SORCS3: variants seen among roughly 807,000 people sequenced by gnomAD.
The protein encoded by SORCS3 is VPS10 domain-containing receptor SorCS3.
A neutral mutation model predicts 146.3 loss-of-function variants in SORCS3; 57 were observed. The observed-to-expected ratio is 0.39, with a 90% CI of 0.31 to 0.49. The LOEUF is 0.49. SORCS3 is among the 20% of genes least tolerant of loss of function. The probability of loss-of-function intolerance (pLI) is 0.92; values close to 1 mark genes in which losing one functional copy is unlikely to be tolerated. For synonymous variants in SORCS3, 653 were observed against 618.5 expected, an observed-to-expected ratio of 1.06 and a Z score of -0.83; for missense variants, 1,341 against 1,575.5, an observed-to-expected ratio of 0.85 and a Z score of 2.52.
chr10:105,240,564 T>C (rs1268658419), intron 20 of SORCS3, among the ~76,000 whole-genome samples: 2 of 152,234 alleles, frequency 1.3e-5, no homozygotes, highest in Non-Finnish European at 2.9e-5. Flanking sequence ...GATGCTTTAT[T>C]CATTTCAAAG....
chr10:105,129,331 C>CTCTCTCTCTCTTTT lies in SORCS3; in HGVS notation c.1213-10065_1213-10064insCTCTCTCTCTTTTT, dbSNP rs1172062304. On this transcript the variant is annotated intron_variant, in intron 7 of 26. Transcript: ENST00000369701. ...CTTTCTCTTTTCTTTCTTTCTTTCT[C>CTCTCTCTCTCTTTT]TTTTTTTTTTTTTTTTTTTTTTTTT... Among the ~76,000 whole-genome samples the CTCTCTCTCTCTTTT allele has an allele frequency of 1.3e-4, 14 of 104,616 alleles. 1 individual carries two copies. The highest frequency in any genetic ancestry group is 5.5e-4 in the African/African-American group (14 of 25,652). 68.6% of individuals were successfully genotyped at this position (104,616 alleles called of 152,430 possible).
intron 11 of SORCS3, among the ~76,000 whole-genome samples, chr10:105,159,570 A>G (rs1360594291): frequency 6.6e-6 from 1 of 152,152 alleles, no homozygotes; most frequent in African/African-American, 2.4e-5. Context: ...GATGAAAGCT[A>G]AAGTCTCCGG....
intron 2 of SORCS3, among the ~76,000 whole-genome samples, chr10:104,908,104 C>T (rs987443146): frequency 1.3e-5 from 2 of 152,222 alleles, no homozygotes; most frequent in African/African-American, 4.8e-5. Flanking sequence ...CACACCAGAG[C>T]ACCTAATAGC....
At position 104,977,497 on chromosome 10, in the gene SORCS3, A is replaced by C. The variant is rs1288964343; in HGVS notation, c.954+4A>C. ...GGCCTACAGTTTGGATCAAAAGGTGAATAAATACTATTTTCATTTACTTCT... is the reference window on the plus strand; with the variant it reads ...GGCCTACAGTTTGGATCAAAAGGTGCATAAATACTATTTTCATTTACTTCT... On this transcript the variant is annotated splice_donor_region_variant and intron_variant, in intron 4 of 26. Transcript: ENST00000369701. The C allele has an allele frequency of 6.3e-7, 1 of 1,594,896 alleles. No homozygotes were observed. The highest frequency in any genetic ancestry group is 1.3e-5 in the African/African-American group (1 of 74,208).
chr10:104,852,355 T>C (rs2018282330), intron 2 of SORCS3, among the ~76,000 whole-genome samples: 1 of 152,228 alleles, frequency 6.6e-6, no homozygotes, highest in African/African-American at 2.4e-5. Context: ...GCCTTACAGA[T>C]TTGGCAACCA....
At chr10:104,919,459 G>C (rs1564713249) in intron 3 of SORCS3, among the ~76,000 whole-genome samples, 1 of 152,030 alleles carries the variant, frequency 6.6e-6, no homozygotes, top group Non-Finnish European at 1.5e-5. Context: ...GGGAGACTGA[G>C]GTGGGCAGAT....
intron 1 of SORCS3, among the ~76,000 whole-genome samples, chr10:104,819,859 A>G (rs2017852546): frequency 6.6e-6 from 1 of 152,196 alleles, no homozygotes; most frequent in South Asian, 2.1e-4. Context: ...GCAGGAGGGA[A>G]ATGCAGAAGG....
At chr10:105,168,539 G>T (rs1419395123) in intron 13 of SORCS3, among the ~76,000 whole-genome samples, 1 of 152,072 alleles carries the variant, frequency 6.6e-6, no homozygotes, top group Non-Finnish European at 1.5e-5. Flanking sequence ...GATTCACATG[G>T]GCAGCAAGGT....
At chr10:105,089,358 A>C (rs1489316643) in intron 5 of SORCS3, among the ~76,000 whole-genome samples, 3 of 152,206 alleles carry the variant, frequency 2.0e-5, no homozygotes, top group Non-Finnish European at 4.4e-5. Flanking sequence ...ACAGGCAGGT[A>C]AAGTGGGAGG....
chr10:105,148,387 C>T (rs899992643), intron 9 of SORCS3, among the ~76,000 whole-genome samples: 1 of 152,006 alleles, frequency 6.6e-6, no homozygotes, highest in African/African-American at 2.4e-5. Flanking sequence ...GAATAATTTA[C>T]TAAGAAACCA....
At chr10:105,183,150 G>GGAAT (rs2056453282) in intron 14 of SORCS3, among the ~76,000 whole-genome samples, 1 of 152,178 alleles carries the variant, frequency 6.6e-6, no homozygotes, top group African/African-American at 2.4e-5. Flanking sequence ...TGGAGTGGTA[G>GGAAT]GAATGTGCCT....
chr10:105,070,160 C>T (rs182424456), intron 5 of SORCS3, among the ~76,000 whole-genome samples: 19 of 152,336 alleles, frequency 1.2e-4, no homozygotes, highest in Middle Eastern at 3.4e-3. Flanking sequence ...CCGAGTTCTG[C>T]TCCATTTAAA....
At position 104,801,787 on chromosome 10, in the gene SORCS3, C is replaced by T. The variant is rs577235165; in HGVS notation, c.628-41005C>T. ...AAAATCTTACATGAATTTACAGATA[C>T]GTAAACTCTTACAGTGTCATTGTAG... On this transcript the variant is annotated intron_variant, in intron 1 of 26. Transcript: ENST00000369701. Among the ~76,000 whole-genome samples the T allele has an allele frequency of 3.3e-5, 5 of 152,278 alleles. No individual in the cohort carries two copies. The South Asian group carries it at 6.2e-4, about 19-fold the overall frequency.
At chr10:104,856,604 G>A (rs373080480) in intron 2 of SORCS3, among the ~76,000 whole-genome samples, 14 of 23,656 alleles carry the variant, frequency 5.9e-4, no homozygotes, top group African/African-American at 1.1e-3. Flanking sequence ...ACATATAAAT[G>A]TATTTATATG....
intron 1 of SORCS3, among the ~76,000 whole-genome samples, chr10:104,719,765 A>T (rs2016521922): frequency 6.6e-6 from 1 of 152,148 alleles, no homozygotes; most frequent in African/African-American, 2.4e-5. Context: ...TCTTCATGTG[A>T]CGGTAATTTC....
chr10:105,185,199 A>G (rs2056467466), intron 14 of SORCS3, among the ~76,000 whole-genome samples: 1 of 152,206 alleles, frequency 6.6e-6, no homozygotes, highest in Non-Finnish European at 1.5e-5. Context: ...AAAACCCCAC[A>G]TATAAGTCTC....
chr10:104,931,773 G>A (rs1251526871), intron 3 of SORCS3, among the ~76,000 whole-genome samples: 1 of 152,202 alleles, frequency 6.6e-6, no homozygotes, highest in Non-Finnish European at 1.5e-5. Context: ...TGCTTATGCA[G>A]GGACAGTAGC....
chr10:105,171,639 T>G (rs1288342797), intron 13 of SORCS3, among the ~76,000 whole-genome samples: 1 of 152,226 alleles, frequency 6.6e-6, no homozygotes, highest in Admixed American at 6.5e-5. Context: ...CAAAAGTGCA[T>G]GTACTGTTCT....
chr10:104,886,234 A>G (rs998040235), intron 2 of SORCS3, among the ~76,000 whole-genome samples: 2 of 152,146 alleles, frequency 1.3e-5, no homozygotes, highest in African/African-American at 4.8e-5. Flanking sequence ...TACATGATAC[A>G]TAATGATTGG....
Sources: allele counts gnomAD v4.1 joint callset (sites outside exome capture counted in the v4.1 genomes callset), GRCh38; gene constraint gnomAD v4.1.1; transcripts MANE v1.5; gene names NCBI Gene and HGNC (gene_info 2026-07-23, HGNC 2026-07-21).